CTPS1: variants seen among roughly 807,000 people sequenced by gnomAD.
CTPS1 encodes CTP synthetase 1.
A neutral mutation model predicts 80.5 loss-of-function variants in CTPS1; 25 were observed. The observed-to-expected ratio is 0.31, with a 90% confidence interval of 0.23 to 0.43. The LOEUF is 0.43. CTPS1 is among the 20% of genes least tolerant of loss of function. CTPS1 has a pLI of 1.00. For synonymous variants in CTPS1, 267 were observed against 252.5 expected (o/e 1.06, Z -0.54); for missense variants, 442 against 725.7 (o/e 0.61, Z 4.49).
chr1:41,003,010 A>T lies in CTPS1; in HGVS notation c.1190-104A>T, dbSNP rs1344324081. On this transcript the variant is annotated intron_variant, in intron 11 of 18. Coordinates refer to ENST00000650070, the MANE Select transcript of CTPS1 (RefSeq NM_001905.4). ...CAGGAAGTTATGAGTTTGCAATTAT[A>T]ATTCTCCAAATAAAGGACACAAAGG... 2.7e-6 allele frequency: 3 copies of T among 1,100,724 alleles called. No individual in the cohort carries two copies. The African/African-American group carries it at 4.7e-5, about 17-fold the overall frequency. The allele number at this position is 1,100,724 out of a possible 1,614,324, so 68.2% of individuals were successfully genotyped here. A position where few individuals can be genotyped will look rare whatever the true frequency, so the allele number is the denominator to read the frequency against.
chr1:40,988,027 C>T (rs1642500354), intron 4 of CTPS1, among the ~76,000 whole-genome samples: 1 of 152,136 alleles, frequency 6.6e-6, no homozygotes, highest in African/African-American at 2.4e-5. Context: ...GTTCTCCTAC[C>T]TTAGCCTCCC....
intron 15 of CTPS1, 25 bp downstream of exon 15, chr1:41,008,739 TCTGGAA>T: frequency 6.2e-7 from 1 of 1,613,942 alleles, no homozygotes; most frequent in Non-Finnish European, 8.5e-7. Flanking sequence ...TTGCTGGTAC[TCTGGAA>T]AGATAGTGAG....
intron 17 of CTPS1, 113 bp downstream of exon 17, chr1:41,009,702 C>A: frequency 7.6e-7 from 1 of 1,314,012 alleles, no homozygotes; most frequent in Non-Finnish European, 1.0e-6. Context: ...AAGCCACAGG[C>A]GCCTGGGGTG....
At chr1:41,003,058 A>G in intron 11 of CTPS1, 56 bp from the exon 12 acceptor site, 2 of 1,582,908 alleles carry the variant, frequency 1.3e-6, no homozygotes, top group Non-Finnish European at 1.7e-6. Context: ...CTGCTGGGAA[A>G]AGTAGGAGCT....
At chr1:40,999,966 A>G (rs1196191669) in intron 9 of CTPS1, among the ~76,000 whole-genome samples, 1 of 152,218 alleles carries the variant, frequency 6.6e-6, no homozygotes, top group East Asian at 1.9e-4. Flanking sequence ...CCTGGTCAAC[A>G]TAGCGAGACC....
intron 7 of CTPS1, 140 bp from the exon 8 acceptor site, chr1:40,995,777 G>A: frequency 1.3e-6 from 1 of 754,904 alleles, no homozygotes. Flanking sequence ...TCTTGAGTCT[G>A]TTTTAGTAGT....
At chr1:41,008,773 T>A in intron 15 of CTPS1, 21 bp from the exon 16 acceptor site, 1 of 1,614,094 alleles carries the variant, frequency 6.2e-7, no homozygotes. Flanking sequence ...ACCAGCAGAA[T>A]TATTTTTCAT....
chr1:40,983,431 A>G lies in CTPS1; in HGVS notation c.141A>G (p.Ala47=). 1.9e-6 allele frequency: 3 copies of G among 1,613,614 alleles called. No homozygotes were observed. Among genetic ancestry groups the G allele is most frequent in the South Asian group, 1.1e-5 (1 of 91,046 alleles). ...IKIDPYINID[A]GTFSPYEHGE... ...TTGACCCCTACATTAACATTGATGC[A>G]GGAACATTCTCTCCTTATGAGCATG... Residue 47 remains alanine, a synonymous_variant, in exon 2 of 19, where the codon GCA becomes GCG. Transcript: ENST00000650070.
chr1:40,988,823 C>T (rs1642524905), intron 5 of CTPS1, 113 bp downstream of exon 5: 1 of 702,424 alleles, frequency 1.4e-6, no homozygotes, highest in African/African-American at 1.8e-5. Flanking sequence ...GTGCAGGAAG[C>T]AGAGAATAAA....
In CTPS1 at chr1:40,997,544, G is replaced by C. The variant is rs754854616; in HGVS notation, c.1005+18G>C. ...AAATCAAGGTAAGGAGGGTGGCACA[G>C]GTACAGCCAAAGGATGAGCAGGGAA... On this transcript the variant is annotated intron_variant, in intron 9 of 18. Transcript: ENST00000650070. 2.5e-6 allele frequency: 4 copies of C among 1,612,516 alleles called. No homozygotes were observed. In the African/African-American group the frequency reaches 4.0e-5, roughly 16 times the overall value.
chr1:40,989,039 C>T (rs527961526), intron 5 of CTPS1, among the ~76,000 whole-genome samples: 4 of 152,090 alleles, frequency 2.6e-5, no homozygotes, highest in Admixed American at 1.3e-4. Context: ...ATTGGGAAGC[C>T]GGAAAGCAGA....
chr1:40,981,508 C>T (rs536799815), intron 1 of CTPS1, among the ~76,000 whole-genome samples: 1 of 152,192 alleles, frequency 6.6e-6, no homozygotes, highest in African/African-American at 2.4e-5. Flanking sequence ...AGGTATATGT[C>T]TGGTTAGAAC....
chr1:40,993,204 C>T (rs1418186849), intron 7 of CTPS1, among the ~76,000 whole-genome samples: 3 of 151,974 alleles, frequency 2.0e-5, no homozygotes, highest in East Asian at 1.9e-4. Flanking sequence ...GCACCTGCCA[C>T]GATGCCGAGC....
At position 41,001,012 on chromosome 1, in the gene CTPS1, G is replaced by T; in HGVS notation, c.1006-17G>T. On this transcript the variant is annotated splice_polypyrimidine_tract_variant and intron_variant, in intron 9 of 18. Coordinates refer to ENST00000650070, the MANE Select transcript of CTPS1 (RefSeq NM_001905.4). Reference sequence around the variant, plus strand: ...GGTCACGAGCCTGCTTTTCTCCCCTGTCTGAATAACATCCAGTACATAGAT... The same window carrying T: ...GGTCACGAGCCTGCTTTTCTCCCCTTTCTGAATAACATCCAGTACATAGAT... 1 of 1,561,156 alleles carries T rather than the reference G, an allele frequency of 6.4e-7. No individual in the cohort carries two copies. Among genetic ancestry groups the T allele is most frequent in the Non-Finnish European group, 8.7e-7 (1 of 1,152,278 alleles).
At chr1:40,991,391 G>A (rs1642607570) in intron 6 of CTPS1, 143 bp downstream of exon 6, 2 of 648,146 alleles carry the variant, frequency 3.1e-6, no homozygotes, top group African/African-American at 3.7e-5. Context: ...TTTGAACCGG[G>A]CTGTAGTTTG....
intron 12 of CTPS1, among the ~76,000 whole-genome samples, chr1:41,005,647 C>A (rs1643015640): frequency 6.6e-6 from 1 of 152,120 alleles, no homozygotes; most frequent in African/African-American, 2.4e-5. Context: ...TGGCTTGCAC[C>A]TGTAATCCCA....
intron 11 of CTPS1, 29 bp from the exon 12 acceptor site, chr1:41,003,085 T>C: frequency 1.2e-6 from 2 of 1,613,390 alleles, no homozygotes; most frequent in African/African-American, 2.7e-5. Context: ...TCAATGGAGT[T>C]TTGTTTGTTT....
intron 9 of CTPS1, among the ~76,000 whole-genome samples, chr1:40,999,904 TAGGG>T (rs1642859140): frequency 1.3e-5 from 2 of 152,106 alleles, no homozygotes; most frequent in Admixed American, 1.3e-4. Context: ...TCCCAACACT[TAGGG>T]AGGCTCTGCT....
In CTPS1 at chr1:40,995,991, T is replaced by C; in HGVS notation, c.795T>C (p.Tyr265=). ...LLLEEQGVVD[Y]FLRRLDLPIE... ...TAGAGGAGCAAGGGGTTGTAGATTA[T>C]TTTCTTCGAAGACTTGACCTTCCTA... The change falls in exon 8 of 19, where the codon TAT becomes TAC. Residue 265 remains tyrosine (Y), a synonymous_variant. Coordinates refer to ENST00000650070, the MANE Select transcript of CTPS1 (RefSeq NM_001905.4). 1 of 1,614,214 alleles carries C rather than the reference T, an allele frequency of 6.2e-7. No homozygotes were observed. Among genetic ancestry groups the C allele is most frequent in the Non-Finnish European group, 8.5e-7 (1 of 1,180,040 alleles).
Sources: gnomAD v4.1 joint callset for allele counts (sites outside exome capture counted in the v4.1 genomes callset) on GRCh38, gnomAD v4.1.1 for gene constraint, MANE v1.5 for transcripts, NCBI Gene and HGNC (gene_info 2026-07-23, HGNC 2026-07-21) for gene names.